ZNF578: variants seen among roughly 807,000 people sequenced by gnomAD.
The protein encoded by ZNF578 is zinc finger protein 578, also known as Putative chemokine-related protein B42.
Under a neutral mutation model 8.3 loss-of-function variants are expected in ZNF578, and 8 were observed. The ratio of observed to expected loss-of-function variants is 0.96; its 90% confidence interval spans 0.56 to 1.74. The LOEUF (loss-of-function observed/expected upper bound fraction) is 1.74. ZNF578 is among the 40% of genes most tolerant of loss of function. The pLI, the probability that ZNF578 is intolerant of heterozygous loss-of-function variation, is 0.00. For missense variants in ZNF578, 726 were observed against 707.5 expected, an observed-to-expected ratio of 1.03 and a Z score of -0.30; for synonymous variants, 206 against 232.2, an observed-to-expected ratio of 0.89 and a Z score of 1.03.
chr19:52,466,300 T>TC (rs1393293162), intron 2 of ZNF578, among the ~76,000 whole-genome samples: 8 of 152,194 alleles, frequency 5.3e-5, no homozygotes, highest in Non-Finnish European at 1.0e-4. Flanking sequence ...CTGGCCACAT[T>TC]CCATTGCTTC....
intron 2 of ZNF578, among the ~76,000 whole-genome samples, chr19:52,490,193 G>C (rs2059360608): frequency 6.6e-6 from 1 of 151,972 alleles, no homozygotes; most frequent in African/African-American, 2.4e-5. Context: ...AGATAACTAA[G>C]GGCAATACAT....
At chr19:52,474,822 G>A (rs2059302944) in intron 2 of ZNF578, 1 of 202,202 alleles carries the variant, frequency 4.9e-6, no homozygotes, top group Non-Finnish European at 1.1e-5. Context: ...ACTTTCTCCA[G>A]TATGAATTCT....
chr19:52,513,411 T>TAAAGGGATATACCATAGTAGTTTTA lies in ZNF578; in HGVS notation c.*1268_*1292dup, dbSNP rs2059458386. On this transcript the variant is annotated 3_prime_UTR_variant, in exon 6 of 6. Transcript: ENST00000421239. Reference sequence around the variant, plus strand: ...GTACTTTTTTGAGATAGTACTTTTTTAAAGGGATATACCATAGTAGTTTTA... The same window carrying TAAAGGGATATACCATAGTAGTTTTA: ...GTACTTTTTTGAGATAGTACTTTTTTAAAGGGATATACCATAGTAGTTTTAAAAGGGATATACCATAGTAGTTTTA... Among the ~76,000 whole-genome samples, 1 of 148,306 alleles carries TAAAGGGATATACCATAGTAGTTTTA rather than the reference T, an allele frequency of 6.7e-6. No individual in the cohort carries two copies. Among genetic ancestry groups the TAAAGGGATATACCATAGTAGTTTTA allele is most frequent in the Non-Finnish European group, 1.5e-5 (1 of 67,394 alleles).
At chr19:52,491,990 C>T (rs1351521868) in intron 3 of ZNF578, among the ~76,000 whole-genome samples, 8 of 151,420 alleles carry the variant, frequency 5.3e-5, no homozygotes, top group African/African-American at 1.7e-4. Context: ...GAAACCCCAT[C>T]TCTGCTAAAA....
intron 2 of ZNF578, among the ~76,000 whole-genome samples, chr19:52,462,869 CCCCATGT>C (rs1263817429): frequency 6.6e-6 from 1 of 152,166 alleles, no homozygotes; most frequent in Admixed American, 6.5e-5. Flanking sequence ...AAACCCTCTT[CCCCATGT>C]TATAACTCTC....
chr19:52,476,119 A>C (rs922341988), intron 2 of ZNF578, among the ~76,000 whole-genome samples: 2 of 151,910 alleles, frequency 1.3e-5, no homozygotes, highest in Non-Finnish European at 2.9e-5. Flanking sequence ...AAAAAAAAAA[A>C]CAATCCTTAA....
intron 2 of ZNF578, chr19:52,475,363 T>TC (rs1278309015): frequency 6.2e-6 from 1 of 160,840 alleles, no homozygotes; most frequent in Non-Finnish European, 1.4e-5. Context: ...CTTTTTTTTT[T>TC]TTTTTTGAGA....
intron 4 of ZNF578, 139 bp from the exon 5 acceptor site, chr19:52,504,516 A>T (rs2059418514): frequency 2.0e-6 from 3 of 1,515,144 alleles, no homozygotes. Context: ...GAGAAAAAAA[A>T]TTCAAAAATA....
chr19:52,499,229 CTTCT>C (rs1427551522), intron 3 of ZNF578, among the ~76,000 whole-genome samples: 1 of 151,998 alleles, frequency 6.6e-6, no homozygotes, highest in Non-Finnish European at 1.5e-5. Context: ...TGTGACTTTT[CTTCT>C]GGGAGAGGAT....
intron 1 of ZNF578, chr19:52,454,074 A>G (rs777710384): frequency 4.0e-5 from 6 of 151,340 alleles, no homozygotes; most frequent in Non-Finnish European, 5.9e-5. Context: ...TGTGTTCCCC[A>G]GGTTTCCCCT....
intron 5 of ZNF578, among the ~76,000 whole-genome samples, chr19:52,508,650 T>C (rs1676149): frequency 0.2 from 30,649 of 150,698 alleles, 3,224 homozygotes; most frequent in Non-Finnish European, 0.23. Flanking sequence ...TACAAAATTA[T>C]CGAGTGTGGT....
intron 3 of ZNF578, among the ~76,000 whole-genome samples, chr19:52,496,325 G>GTTATTTATTTATTTATTTAT (rs143811534): frequency 0.13 from 18,638 of 145,346 alleles, 1,481 homozygotes; most frequent in Non-Finnish European, 0.17. Context: ...CTCATTTGTT[G>GTTATTTATTTATTTATTTAT]TTATTTATTT....
rs1298639301 is a variant in ZNF578, at chr19:52,512,371, A to G, written c.*217A>G. ...ATGTAATGATTGTCACAAAGTCTTC[A>G]GTAACGCTACAACGATTGCAAATCA... On this transcript the variant is annotated 3_prime_UTR_variant, in exon 6 of 6. Transcript: ENST00000421239. 8.6e-6 allele frequency: 13 copies of G among 1,506,012 alleles called. No individual in the cohort carries two copies. The Admixed American group carries it at 1.5e-4, about 17-fold the overall frequency. 93.3% of individuals were successfully genotyped at this position (1,506,012 alleles called of 1,614,324 possible).
intron 2 of ZNF578, among the ~76,000 whole-genome samples, chr19:52,485,906 T>C (rs1170459041): frequency 9.9e-5 from 15 of 152,126 alleles, no homozygotes; most frequent in Admixed American, 8.5e-4. Context: ...GTCTGAAATA[T>C]GGCCTCGTGG....
intron 3 of ZNF578, among the ~76,000 whole-genome samples, chr19:52,498,701 T>TTTTTTTTTTG (rs1436867631): frequency 3.0e-5 from 4 of 134,606 alleles, no homozygotes; most frequent in African/African-American, 1.1e-4. Context: ...TTTTTTTTTT[T>TTTTTTTTTTG]GTAAGACAGA....
At chr19:52,481,309 C>T (rs184483686) in intron 2 of ZNF578, among the ~76,000 whole-genome samples, 96 of 152,226 alleles carry the variant, frequency 6.3e-4, no homozygotes, top group South Asian at 4.6e-3. Context: ...GCCATGTTGC[C>T]GTGGACCCTG....
chr19:52,482,366 G>A (rs550036681), intron 2 of ZNF578, among the ~76,000 whole-genome samples: 14 of 152,068 alleles, frequency 9.2e-5, no homozygotes, highest in Admixed American at 2.6e-4. Context: ...ATCAGGACGC[G>A]GTGGCTCACG....
At chr19:52,489,568 A>G (rs1489613763) in intron 2 of ZNF578, among the ~76,000 whole-genome samples, 1 of 152,172 alleles carries the variant, frequency 6.6e-6, no homozygotes, top group African/African-American at 2.4e-5. Flanking sequence ...AGCCTGGGCA[A>G]CAAGAGGGAT....
rs369428837 is a variant in ZNF578, at chr19:52,504,249, C to T, written c.64-406C>T. 4.0e-4 allele frequency among the ~76,000 whole-genome samples: 61 copies of T among 152,106 alleles called. 1 individual carries two copies. In the East Asian group the frequency reaches 5.2e-3, roughly 13 times the overall value. On this transcript the variant is annotated intron_variant, in intron 4 of 5. Coordinates refer to ENST00000421239, the MANE Select transcript of ZNF578 (RefSeq NM_001099694.2). The stretch of plus-strand genomic sequence containing the variant: ...GGGATTACAGGAGCCTGCCACAATG[C>T]CCGTCTAATTTTTATATTTTTAGTG...
Sources: gnomAD v4.1 joint callset for allele counts (sites outside exome capture counted in the v4.1 genomes callset) on GRCh38, gnomAD v4.1.1 for gene constraint, MANE v1.5 for transcripts, NCBI Gene and HGNC (gene_info 2026-07-23, HGNC 2026-07-21) for gene names.